Variants in PPP3CA observed in about 807,000 individuals in gnomAD.
The protein encoded by PPP3CA is protein phosphatase 3 catalytic subunit alpha.
Under a neutral mutation model 66.5 loss-of-function variants are expected in PPP3CA, and 14 were observed. The ratio of observed to expected loss-of-function variants is 0.21; its 90% CI spans 0.14 to 0.33. The LOEUF is 0.33. Among genes scored for constraint, PPP3CA ranks in the 10% least tolerant of loss-of-function variants. The pLI, the probability that PPP3CA is intolerant of heterozygous loss-of-function variation, is 1.00. For synonymous variants in PPP3CA, 232 were observed against 226.2 expected, an observed-to-expected ratio of 1.03 and a Z score of -0.23; for missense variants, 317 against 639.5, an observed-to-expected ratio of 0.50 and a Z score of 5.44.
At chr4:101,321,544 T>G (rs1729041352) in intron 1 of PPP3CA, among the ~76,000 whole-genome samples, 1 of 152,124 alleles carries the variant, frequency 6.6e-6, no homozygotes, top group South Asian at 2.1e-4. Flanking sequence ...ACAATAAAAT[T>G]TTTGTTTTTA....
At chr4:101,057,858 C>T (rs943717165) in intron 10 of PPP3CA, among the ~76,000 whole-genome samples, 7 of 152,104 alleles carry the variant, frequency 4.6e-5, no homozygotes, top group Non-Finnish European at 5.9e-5. Context: ...GCTCATGGAA[C>T]CAAGGCCTGC....
At chr4:101,075,959 T>C (rs72681037) in intron 8 of PPP3CA, among the ~76,000 whole-genome samples, 11,986 of 152,182 alleles carry the variant, frequency 0.079, 599 homozygotes, top group Non-Finnish European at 0.11. Context: ...GCATGGAGCT[T>C]GGTATATAGT....
chr4:101,152,813 C>T (rs1364232526), intron 2 of PPP3CA, among the ~76,000 whole-genome samples: 1 of 152,046 alleles, frequency 6.6e-6, no homozygotes, highest in Non-Finnish European at 1.5e-5. Context: ...TCACAGATAA[C>T]ATAGGCCACT....
intron 10 of PPP3CA, among the ~76,000 whole-genome samples, chr4:101,053,820 C>T (rs9995375): frequency 0.019 from 2,894 of 152,048 alleles, 103 homozygotes; most frequent in African/African-American, 0.066. Context: ...CATAAGTCCT[C>T]GGAAAGGTCT....
intron 2 of PPP3CA, among the ~76,000 whole-genome samples, chr4:101,143,636 C>T (rs936244104): frequency 1.3e-5 from 2 of 152,128 alleles, no homozygotes; most frequent in African/African-American, 4.8e-5. Flanking sequence ...TTCCACTAGA[C>T]TATTGTTCTT....
At chr4:101,226,156 C>A (rs547403710) in intron 1 of PPP3CA, among the ~76,000 whole-genome samples, 2 of 151,776 alleles carry the variant, frequency 1.3e-5, no homozygotes, top group South Asian at 4.2e-4. Context: ...GCTGAAACAC[C>A]TCTGCCAAGA....
intron 1 of PPP3CA, among the ~76,000 whole-genome samples, chr4:101,324,150 G>GGGGAAGGA (rs1729129328): frequency 1.0e-5 from 1 of 97,484 alleles, no homozygotes; most frequent in African/African-American, 4.7e-5. Flanking sequence ...GGAAGGAAGG[G>GGGGAAGGA]AGGGAGGAAG....
rs1388824559 is a variant in PPP3CA, at chr4:101,026,033, C to T, written c.1398G>A (p.Lys466=). The change falls in exon 14 of 14, where the codon AAG becomes AAA. Residue 466 remains lysine, a synonymous_variant. Transcript: ENST00000394854. ...CCTTGGCTTCCTCGAAGCTAGTGAT[C>T]TTATGTTGTGGTGAAAATCCTTTGA... The part of the protein sequence containing the change: ...EAIKGFSPQH[K]ITSFEEAKGL... 6.2e-7 allele frequency: 1 copy of T among 1,603,976 alleles called. No homozygotes were observed. The highest frequency in any genetic ancestry group is 8.5e-7 in the Non-Finnish European group (1 of 1,176,858).
At chr4:101,338,666 T>C (rs896404255) in intron 1 of PPP3CA, among the ~76,000 whole-genome samples, 5 of 152,144 alleles carry the variant, frequency 3.3e-5, no homozygotes, top group South Asian at 4.1e-4. Context: ...TTATTCTAAG[T>C]GAAGGTGTCA....
chr4:101,307,122 A>G (rs1191081097), intron 1 of PPP3CA, among the ~76,000 whole-genome samples: 1 of 151,970 alleles, frequency 6.6e-6, no homozygotes, highest in Non-Finnish European at 1.5e-5. Context: ...ATGCTGAACA[A>G]AGACTCTAAA....
At chr4:101,129,735 T>A (rs115008357) in intron 2 of PPP3CA, among the ~76,000 whole-genome samples, 6,056 of 152,132 alleles carry the variant, frequency 0.04, 202 homozygotes, top group Middle Eastern at 0.11. Flanking sequence ...AGAAACTCCA[T>A]CTGAAGGTCA....
chr4:101,240,532 G>A (rs1276376972), intron 1 of PPP3CA, among the ~76,000 whole-genome samples: 1 of 151,954 alleles, frequency 6.6e-6, no homozygotes, highest in Non-Finnish European at 1.5e-5. Context: ...TAACCAGGTT[G>A]GTCTTGGAAT....
At chr4:101,289,803 A>C (rs1278091417) in intron 1 of PPP3CA, among the ~76,000 whole-genome samples, 1 of 152,066 alleles carries the variant, frequency 6.6e-6, no homozygotes, top group African/African-American at 2.4e-5. Context: ...TGTCTCATTC[A>C]AATGTCACTT....
chr4:101,097,335 C>G (rs1730239729), intron 5 of PPP3CA, among the ~76,000 whole-genome samples: 1 of 151,968 alleles, frequency 6.6e-6, no homozygotes. Context: ...GGGATAAGTA[C>G]AAGCGTATTT....
intron 1 of PPP3CA, among the ~76,000 whole-genome samples, chr4:101,283,903 C>T (rs969150025): frequency 2.0e-5 from 3 of 152,102 alleles, no homozygotes; most frequent in South Asian, 4.1e-4. Context: ...ACCGACGTTT[C>T]GGTTACTCCC....
chr4:101,168,648 A>G (rs1723770835), intron 2 of PPP3CA, among the ~76,000 whole-genome samples: 1 of 152,202 alleles, frequency 6.6e-6, no homozygotes, highest in South Asian at 2.1e-4. Context: ...GGAAGAAAGT[A>G]TTGAAAGAAA....
At chr4:101,245,177 T>C (rs994971305) in intron 1 of PPP3CA, among the ~76,000 whole-genome samples, 8 of 152,190 alleles carry the variant, frequency 5.3e-5, no homozygotes, top group Middle Eastern at 3.2e-3. Flanking sequence ...ACAGACTGCT[T>C]AGGACAATTT....
At chr4:101,254,632 A>G (rs547523951) in intron 1 of PPP3CA, among the ~76,000 whole-genome samples, 1 of 152,068 alleles carries the variant, frequency 6.6e-6, no homozygotes, top group South Asian at 2.1e-4. Flanking sequence ...GATATCATTC[A>G]TACAGACATG....
intron 2 of PPP3CA, among the ~76,000 whole-genome samples, chr4:101,124,840 T>C (rs1722197055): frequency 6.6e-6 from 1 of 152,114 alleles, no homozygotes. Flanking sequence ...TTTACTACCA[T>C]GCTTTTAAAA....
Sources: allele counts gnomAD v4.1 joint callset (sites outside exome capture counted in the v4.1 genomes callset), GRCh38; gene constraint gnomAD v4.1.1; transcripts MANE v1.5; gene names NCBI Gene and HGNC (gene_info 2026-07-23, HGNC 2026-07-21).